B3GAT2: variants seen among roughly 807,000 people sequenced by gnomAD.
The protein encoded by B3GAT2 is beta-1,3-glucuronyltransferase 2, also known as galactosylgalactosylxylosylprotein 3-beta-glucuronosyltransferase 2.
In B3GAT2, 26 loss-of-function variants were observed where a neutral mutation model predicts 27.8. That is an observed-to-expected ratio of 0.93 (90% CI 0.68 to 1.30). The LOEUF (loss-of-function observed/expected upper bound fraction) is 1.30, where lower values mean the gene tolerates loss of function less well. Ranked by LOEUF, B3GAT2 falls within the 50% of genes most tolerant of loss-of-function variation. B3GAT2 has a pLI of 0.00. For missense variants in B3GAT2, 458 were observed against 459.0 expected (o/e 1.00, Z 0.02); for synonymous variants, 218 against 195.1 (o/e 1.12, Z -0.98).
chr6:70,859,899 A>G lies in B3GAT2; in HGVS notation c.*1764T>C. ...CTTACTCCTTAGTAGTTAAAGCACA[A>G]TATCCTAGTGTAGGTGAAAGTTAGT... is the stretch of plus-strand genomic sequence containing the variant. On this transcript the variant is annotated 3_prime_UTR_variant, in exon 4 of 4. Transcript: ENST00000230053. 1 of 242,316 alleles carries G rather than the reference A, an allele frequency of 4.1e-6. No homozygotes were observed. The highest frequency in any genetic ancestry group is 7.9e-6 in the Non-Finnish European group (1 of 126,202). The allele number at this position is 242,316 out of a possible 1,614,324, so 15.0% of individuals were successfully genotyped here.
chr6:70,895,495 ATTTTTTTTTT>A (rs59066944), intron 1 of B3GAT2, among the ~76,000 whole-genome samples: 3 of 76,612 alleles, frequency 3.9e-5, no homozygotes, highest in South Asian at 5.2e-4. Flanking sequence ...CAAAAAGGGG[ATTTTTTTTTT>A]TTTTTTTTTT....
intron 2 of B3GAT2, 86 bp from the exon 3 acceptor site, chr6:70,862,064 C>G (rs1204666147): frequency 1.3e-5 from 17 of 1,306,808 alleles, no homozygotes; most frequent in Non-Finnish European, 1.7e-5. Context: ...CACATCAAAA[C>G]AGTTTTTAAA....
rs532037504 is a variant in B3GAT2 at position 70,948,023 on chromosome 6, T to C, written c.591+7816A>G. On this transcript the variant is annotated intron_variant, in intron 1 of 3. Transcript: ENST00000230053. ...GATGCAGAAAAGGCCTTTGACAAAA[T>C]TCAACAACCCTTCATGCTAAAAATT... Among the ~76,000 whole-genome samples, 84 of 152,000 alleles carry C rather than the reference T, an allele frequency of 5.5e-4. 3 individuals are homozygous for C. In the South Asian group the frequency reaches 0.017, roughly 31 times the overall value.
At position 70,956,639 on chromosome 6, in the gene B3GAT2, G is replaced by C. The variant is rs1162255535; in HGVS notation, c.-210C>G. 7.1e-7 allele frequency: 1 copy of C among 1,413,984 alleles called. No homozygotes were observed. Among genetic ancestry groups the C allele is most frequent in the Non-Finnish European group, 9.2e-7 (1 of 1,089,628 alleles). 87.6% of individuals were successfully genotyped at this position (1,413,984 alleles called of 1,614,324 possible). Reference sequence around the variant, plus strand: ...GGTTCGCGCAAGCTAGAGCGACAAGGGGTGCAGGCGGGCGGGCAGGGGCTG... The same window carrying C: ...GGTTCGCGCAAGCTAGAGCGACAAGCGGTGCAGGCGGGCGGGCAGGGGCTG... On this transcript the variant is annotated 5_prime_UTR_variant, in exon 1 of 4. Coordinates refer to ENST00000230053, the MANE Select transcript of B3GAT2 (RefSeq NM_080742.3).
At chr6:70,862,581 C>A (rs1771776595) in intron 2 of B3GAT2, among the ~76,000 whole-genome samples, 1 of 152,086 alleles carries the variant, frequency 6.6e-6, no homozygotes, top group Non-Finnish European at 1.5e-5. Context: ...GAAATCAGTG[C>A]AGGAGATATC....
At chr6:70,897,399 A>C (rs577248240) in intron 1 of B3GAT2, among the ~76,000 whole-genome samples, 21 of 152,212 alleles carry the variant, frequency 1.4e-4, no homozygotes, top group Admixed American at 1.3e-3. Flanking sequence ...AGTCCAATTC[A>C]TCTATTTGTT....
intron 2 of B3GAT2, among the ~76,000 whole-genome samples, chr6:70,882,006 G>C (rs1357638203): frequency 6.6e-6 from 1 of 152,066 alleles, no homozygotes; most frequent in African/African-American, 2.4e-5. Flanking sequence ...ATTTATTACA[G>C]TTAATTATAA....
At chr6:70,899,234 A>G (rs1772450043) in intron 1 of B3GAT2, among the ~76,000 whole-genome samples, 1 of 152,260 alleles carries the variant, frequency 6.6e-6, no homozygotes, top group South Asian at 2.1e-4. Context: ...ATGGCCACAG[A>G]AATTCAGCAT....
chr6:70,950,300 AT>A (rs58917186), intron 1 of B3GAT2, among the ~76,000 whole-genome samples: 81,461 of 147,242 alleles, frequency 0.55, 22,322 homozygotes, highest in African/African-American at 0.64. Flanking sequence ...AAAAAAAAAA[AT>A]TTTATTTTTC....
chr6:70,902,076 T>A (rs1393843430), intron 1 of B3GAT2, among the ~76,000 whole-genome samples: 1 of 152,214 alleles, frequency 6.6e-6, no homozygotes, highest in Non-Finnish European at 1.5e-5. Flanking sequence ...CTTTAGGTCA[T>A]ATGTATTTGT....
intron 2 of B3GAT2, among the ~76,000 whole-genome samples, chr6:70,882,677 T>C (rs1269053258): frequency 6.6e-6 from 1 of 152,130 alleles, no homozygotes; most frequent in Non-Finnish European, 1.5e-5. Flanking sequence ...ATATAAAGAA[T>C]TTCTACAGCT....
intron 1 of B3GAT2, among the ~76,000 whole-genome samples, chr6:70,946,856 A>G (rs911356240): frequency 3.3e-5 from 5 of 151,668 alleles, no homozygotes; most frequent in African/African-American, 1.2e-4. Context: ...GCAAATGCAA[A>G]AGAACAGAAA....
At chr6:70,916,687 A>G (rs1772779673) in intron 1 of B3GAT2, among the ~76,000 whole-genome samples, 2 of 152,054 alleles carry the variant, frequency 1.3e-5, no homozygotes, top group South Asian at 4.1e-4. Context: ...TGTTTATGTG[A>G]TGGATTACAT....
intron 1 of B3GAT2, among the ~76,000 whole-genome samples, chr6:70,930,188 A>C (rs1189433966): frequency 6.6e-6 from 1 of 152,252 alleles, no homozygotes; most frequent in Non-Finnish European, 1.5e-5. Context: ...TACAAAAATT[A>C]ATTCAAGATG....
intron 2 of B3GAT2, among the ~76,000 whole-genome samples, chr6:70,870,797 A>G (rs1320398541): frequency 6.6e-6 from 1 of 152,136 alleles, no homozygotes; most frequent in Non-Finnish European, 1.5e-5. Flanking sequence ...AAATGGGTAG[A>G]GGGGTCATCT....
intron 2 of B3GAT2, among the ~76,000 whole-genome samples, chr6:70,880,319 T>C (rs1772081863): frequency 6.6e-6 from 1 of 152,186 alleles, no homozygotes; most frequent in African/African-American, 2.4e-5. Flanking sequence ...TGCTTAATCC[T>C]CACAGTGACC....
In B3GAT2 at chr6:70,856,910, G is replaced by A; in HGVS notation, c.*4753C>T. On this transcript the variant is annotated 3_prime_UTR_variant, in exon 4 of 4. Transcript: ENST00000230053. ...AACCCTGTCTACAGTAACATCTGGG[G>A]ATCTAGATTTATTCACTGAGCAAAC... is the stretch of plus-strand genomic sequence containing the variant. 1.2e-6 allele frequency: 2 copies of A among 1,613,878 alleles called. No individual in the cohort carries two copies. The highest frequency in any genetic ancestry group is 1.7e-6 in the Non-Finnish European group (2 of 1,179,824).
At chr6:70,947,689 C>T (rs1765514554) in intron 1 of B3GAT2, among the ~76,000 whole-genome samples, 1 of 151,328 alleles carries the variant, frequency 6.6e-6, no homozygotes. Context: ...TGAAACTATT[C>T]CAATCAATAG....
At position 70,948,760 on chromosome 6, in the gene B3GAT2, A is replaced by G. The variant is rs990035528; in HGVS notation, c.591+7079T>C. On this transcript the variant is annotated intron_variant, in intron 1 of 3. Transcript: ENST00000230053. ...AAAGTTCATATGGAACCAAAAAAGA[A>G]CCCACATCGTCAAGTCAATCCTAAG... 3.4e-3 allele frequency among the ~76,000 whole-genome samples: 514 copies of G among 152,250 alleles called. 1 individual carries two copies. Among genetic ancestry groups the G allele is most frequent in the African/African-American group, 0.011 (470 of 41,550 alleles).
Sources: allele counts gnomAD v4.1 joint callset (sites outside exome capture counted in the v4.1 genomes callset), GRCh38; gene constraint gnomAD v4.1.1; transcripts MANE v1.5; gene names NCBI Gene and HGNC (gene_info 2026-07-23, HGNC 2026-07-21).